Variants in MUC5B observed in about 807,000 individuals in gnomAD.
MUC5B encodes the protein mucin-5B.
Under a neutral mutation model 376.9 loss-of-function variants are expected in MUC5B, and 116 were observed. The observed-to-expected ratio is 0.31, with a 90% CI of 0.26 to 0.36. MUC5B has a LOEUF of 0.36. Ranked by LOEUF, MUC5B falls within the 10% of genes least tolerant of loss-of-function variation. MUC5B has a pLI of 1.00. For synonymous variants in MUC5B, 3,517 were observed against 3,390.9 expected, an observed-to-expected ratio of 1.04 and a Z score of -1.29; for missense variants, 7,165 against 7,769.9, an observed-to-expected ratio of 0.92 and a Z score of 2.93.
intron 2 of MUC5B, 49 bp downstream of exon 2, chr11:1,225,786 G>T (rs1236092639): frequency 1.3e-6 from 2 of 1,555,138 alleles, no homozygotes. Context: ...GGCTGGAGGG[G>T]CTGGAATTTG....
In MUC5B at chr11:1,246,103, G is replaced by T; in HGVS notation, c.9223G>T (p.Gly3075Trp). 3 of 1,612,656 alleles carry T rather than the reference G, an allele frequency of 1.9e-6. No individual in the cohort carries two copies. Among genetic ancestry groups the T allele is most frequent in the Non-Finnish European group, 2.5e-6 (3 of 1,179,494 alleles). The change falls in exon 31 of 49, where the codon GGG becomes TGG. Residue 3075 changes from glycine (G) to tryptophan (W), a missense_variant. Gly to Trp is a radical substitution (Grantham distance 184, BLOSUM62 -2). Around this residue, in one of 31 missense-constraint regions of MUC5B, gnomAD observed 939 missense variants for 770.6 expected, o/e 1.22. Transcript: ENST00000529681. ...TACACCCATCCCCTCCTTCACCCTT[G>T]GGACCACCGGGACCCTCCCAGAACA... ...SFTPIPSFTL[G>W]TTGTLPEQTT...
chr11:1,231,024 A>T lies in MUC5B; in HGVS notation c.1540+19A>T. On this transcript the variant is annotated intron_variant, in intron 13 of 48. Coordinates refer to ENST00000529681, the MANE Select transcript of MUC5B (RefSeq NM_002458.3). ...TCGGCAGGTATGTGGCTCTCCCAGG[A>T]CGGCCGGGCTGGGTGGCGCCTGCTT... is the stretch of plus-strand genomic sequence containing the variant. 1 of 1,573,686 alleles carries T rather than the reference A, an allele frequency of 6.4e-7. No individual in the cohort carries two copies. The highest frequency in any genetic ancestry group is 8.6e-7 in the Non-Finnish European group (1 of 1,159,898).
In MUC5B at chr11:1,228,774, T is replaced by C; in HGVS notation, c.976+9T>C. 1 of 1,274,036 alleles carries C rather than the reference T, an allele frequency of 7.8e-7. No individual in the cohort carries two copies. Among genetic ancestry groups the C allele is most frequent in the Non-Finnish European group, 1.0e-6 (1 of 985,000 alleles). 78.9% of individuals were successfully genotyped at this position (1,274,036 alleles called of 1,614,324 possible). On this transcript the variant is annotated intron_variant, in intron 8 of 48. Coordinates refer to ENST00000529681, the MANE Select transcript of MUC5B (RefSeq NM_002458.3). Reference sequence around the variant, plus strand: ...GTGCCCTGAGCTCTGCCGTGAGTGCTCCCAGGGCCTTCGCCAGGGATTGTG... The same window carrying C: ...GTGCCCTGAGCTCTGCCGTGAGTGCCCCCAGGGCCTTCGCCAGGGATTGTG...
Position 1,253,549 on chromosome 11 carries a change from C to G in MUC5B, c.15218-543C>G, listed in dbSNP as rs2133847894. On this transcript the variant is annotated intron_variant, in intron 33 of 48. Transcript: ENST00000529681. This position sits in a 1 kb window ranked among gnomAD's most constrained non-coding sequence, Gnocchi z 4.3. ...GGCTGCTGTTCCAAACCGCCACAAG[C>G]TGGGGAGCTTATACAACAGAAACCC... 6.6e-6 allele frequency among the ~76,000 whole-genome samples: 1 copy of G among 152,310 alleles called. No individual in the cohort carries two copies. The highest frequency in any genetic ancestry group is 1.9e-4 in the East Asian group (1 of 5,168).
Position 1,228,717 on chromosome 11 carries a change from G to T in MUC5B, c.928G>T (p.Ala310Ser). The T allele has an allele frequency of 6.5e-7, 1 of 1,527,576 alleles. No individual in the cohort carries two copies. Among genetic ancestry groups the T allele is most frequent in the Non-Finnish European group, 8.8e-7 (1 of 1,140,768 alleles). The allele number at this position is 1,527,576 out of a possible 1,614,324, so 94.6% of individuals were successfully genotyped here. ...CTTTGTGGAATACTCACGCCAGTGC[G>T]CCCACGCGGGGGGCCAGCCGCGGAA... ...ATFVEYSRQC[A>S]HAGGQPRNWR... The change falls in exon 8 of 49, where the codon GCC (alanine) becomes TCC (serine). Residue 310 changes from alanine (A) to serine (S), a missense_variant. Physicochemically the swap from Ala to Ser is moderately conservative, Grantham distance 99 (BLOSUM62 1). Coordinates refer to ENST00000529681, the MANE Select transcript of MUC5B (RefSeq NM_002458.3).
rs1442775694 is a variant in MUC5B at position 1,232,137 on chromosome 11, C to T, written c.1820C>T (p.Pro607Leu). Residue 607 changes from proline to leucine, a missense_variant, in exon 15 of 49, where the codon CCC (proline) becomes CTC (leucine). Physicochemically the swap from Pro to Leu is moderately conservative, Grantham distance 98. Transcript: ENST00000529681. ...CANARNSFED[P>L]CSLSVENENY... ...AATGCCAGGAACAGCTTTGAGGACC[C>T]CTGCTCCCTCAGTGTGGAGAATGGT... 3.1e-6 allele frequency: 5 copies of T among 1,610,042 alleles called. No homozygotes were observed. Among genetic ancestry groups the T allele is most frequent in the South Asian group, 1.1e-5 (1 of 90,638 alleles).
At chr11:1,228,517 C>T in intron 7 of MUC5B, 47 bp from the exon 8 acceptor site, 2 of 1,459,718 alleles carry the variant, frequency 1.4e-6, no homozygotes, top group Non-Finnish European at 1.8e-6. Context: ...CCGTGGCAGC[C>T]CCCATGGATG....
rs1388243860 is a variant in MUC5B, at chr11:1,248,736, T to C, written c.11856T>C (p.Thr3952=). ...CCCCATCACTGATCACCACGGCCAC[T>C]ACGATCACGGCCACCGGCTCCACCA... is the stretch of plus-strand genomic sequence containing the variant. ...GTPPSLITTA[T]TITATGSTTN... is the part of the protein sequence containing the mutation. Residue 3952 remains threonine (T), a synonymous_variant, in exon 31 of 49, where the codon ACT becomes ACC. Coordinates refer to ENST00000529681, the MANE Select transcript of MUC5B (RefSeq NM_002458.3). 1 of 1,554,810 alleles carries C rather than the reference T, an allele frequency of 6.4e-7. No individual in the cohort carries two copies. The highest frequency in any genetic ancestry group is 1.4e-5 in the African/African-American group (1 of 70,760).
chr11:1,242,448 C>G lies in MUC5B; in HGVS notation c.5568C>G (p.Thr1856=), dbSNP rs754283300. ...VLTCSLETGL[T]CKNEDQTGRF... ...CCTGCAGCCTGGAGACGGGGCTGAC[C>G]TGCAAGAACGAAGACCAGACAGGCA... Residue 1856 remains threonine (T), a synonymous_variant, in exon 31 of 49, where the codon ACC becomes ACG. Coordinates refer to ENST00000529681, the MANE Select transcript of MUC5B (RefSeq NM_002458.3). The G allele has an allele frequency of 3.1e-6, 5 of 1,613,832 alleles. No homozygotes were observed. The South Asian group carries it at 4.4e-5, about 14-fold the overall frequency.
intron 25 of MUC5B, 41 bp from the exon 26 acceptor site, chr11:1,238,830 G>C (rs1200912495): frequency 2.6e-6 from 4 of 1,534,342 alleles, no homozygotes; most frequent in Non-Finnish European, 3.5e-6. Context: ...GGCCGGGGGG[G>C]CCATTGTCCC....
chr11:1,250,015 A>G lies in MUC5B; in HGVS notation c.13135A>G (p.Thr4379Ala). Residue 4379 changes from threonine to alanine, a missense_variant, in exon 31 of 49, where the codon ACG (threonine) becomes GCG (alanine). Thr to Ala is a moderately conservative substitution (Grantham distance 58, BLOSUM62 0). Coordinates refer to ENST00000529681, the MANE Select transcript of MUC5B (RefSeq NM_002458.3). ...CACCACGACAAGGGCCACCAGTTCC[A>G]CGTCCACCCCCTCCTCCACTCCGGG... ...KATTTRATSS[T>A]STPSSTPGTT... 1 of 1,611,876 alleles carries G rather than the reference A, an allele frequency of 6.2e-7. No homozygotes were observed. The highest frequency in any genetic ancestry group is 2.2e-5 in the East Asian group (1 of 44,728).
Position 1,258,862 on chromosome 11 carries a change from G to A in MUC5B, c.16594-80G>A. On this transcript the variant is annotated intron_variant, in intron 43 of 48. Transcript: ENST00000529681. The surrounding 1 kb of genome is among the most constrained non-coding windows in gnomAD (Gnocchi z 5.5). Reference sequence around the variant, plus strand: ...TCTGAGGAAGGAACAACTCCCTGCAGGCCCCATTGGGTCATGGGGAGGGGT... The same window carrying A: ...TCTGAGGAAGGAACAACTCCCTGCAAGCCCCATTGGGTCATGGGGAGGGGT... 6.6e-7 allele frequency: 1 copy of A among 1,513,492 alleles called. No individual in the cohort carries two copies. Among genetic ancestry groups the A allele is most frequent in the Non-Finnish European group, 8.9e-7 (1 of 1,121,780 alleles). 93.8% of individuals were successfully genotyped at this position (1,513,492 alleles called of 1,614,324 possible).
In MUC5B at chr11:1,247,068, G is replaced by C; in HGVS notation, c.10188G>C (p.Thr3396=). ...CATCACTGACCACCACGGCCACTAC[G>C]ATCACAGCCACCGGCTCCACCACCA... is the stretch of plus-strand genomic sequence containing the variant. ...TPPSLTTTAT[T]ITATGSTTNP... The change falls in exon 31 of 49, where the codon ACG becomes ACC. Residue 3396 remains threonine, a synonymous_variant. Coordinates refer to ENST00000529681, the MANE Select transcript of MUC5B (RefSeq NM_002458.3). 2 of 1,560,454 alleles carry C rather than the reference G, an allele frequency of 1.3e-6. No homozygotes were observed. Among genetic ancestry groups the C allele is most frequent in the Non-Finnish European group, 1.7e-6 (2 of 1,152,738 alleles).
Position 1,241,681 on chromosome 11 carries a change from G to A in MUC5B, c.4801G>A (p.Asp1601Asn), listed in dbSNP as rs781641226. The change falls in exon 31 of 49, where the codon GAC becomes AAC. Residue 1601 changes from aspartate (D) to asparagine (N), a missense_variant. By Grantham distance (23) the Asp-to-Asn change is conservative. Coordinates refer to ENST00000529681, the MANE Select transcript of MUC5B (RefSeq NM_002458.3). ...GATCCGGGTCCTCTGCTGCAGTGACGACCACTGCAGGGGACGTGCCACAAC... is the reference window on the plus strand; with the variant it reads ...GATCCGGGTCCTCTGCTGCAGTGACAACCACTGCAGGGGACGTGCCACAAC... ...YRIRVLCCSD[D>N]HCRGRATTPP... 1.7e-5 allele frequency: 27 copies of A among 1,611,996 alleles called. No individual in the cohort carries two copies. In the Middle Eastern group the frequency reaches 1.3e-3, roughly 79 times the overall value.
chr11:1,226,682 C>T lies in MUC5B; in HGVS notation c.267C>T (p.Asp89=), dbSNP rs781216759. 10 of 1,612,458 alleles carry T rather than the reference C, an allele frequency of 6.2e-6. No individual in the cohort carries two copies. Among genetic ancestry groups the T allele is most frequent in the South Asian group, 4.4e-5 (4 of 91,036 alleles). Reference sequence around the variant, plus strand: ...GTGACTTCCACTACAAGACCTTCGACGGCGACGTCTTCCGCTTCCCTGGCC... The same window carrying T: ...GTGACTTCCACTACAAGACCTTCGATGGCGACGTCTTCCGCTTCCCTGGCC... ...TWGDFHYKTF[D]GDVFRFPGLC... Residue 89 remains aspartate, a synonymous_variant, in exon 4 of 49, where the codon GAC becomes GAT. Transcript: ENST00000529681.
At chr11:1,229,071 A>G (rs1861961761) in intron 8 of MUC5B, 99 bp from the exon 9 acceptor site, 2 of 1,360,218 alleles carry the variant, frequency 1.5e-6, no homozygotes, top group Non-Finnish European at 9.7e-7. Flanking sequence ...GCTTCTGTGG[A>G]CTTGATGGCA....
chr11:1,261,327 T>C lies in MUC5B; in HGVS notation c.17070-62T>C, dbSNP rs538464010. On this transcript the variant is annotated intron_variant, in intron 48 of 48. Coordinates refer to ENST00000529681, the MANE Select transcript of MUC5B (RefSeq NM_002458.3). ...GACCCCAGAGGCCCATGTGTCACCA[T>C]GGCTGGGCAGAGAAACGGCGGGGCC... 60 of 1,445,936 alleles carry C rather than the reference T, an allele frequency of 4.1e-5. No individual in the cohort carries two copies. The South Asian group carries it at 5.4e-4, about 13-fold the overall frequency. 89.6% of individuals were successfully genotyped at this position (1,445,936 alleles called of 1,614,324 possible).
In MUC5B at chr11:1,250,556, T is replaced by G. The variant is rs397834801; in HGVS notation, c.13676T>G (p.Val4559Gly). 3.7e-6 allele frequency: 6 copies of G among 1,603,980 alleles called. No homozygotes were observed. ...ACACCCTCCTCCACTCCAGAGACTG[T>G]CCACACCTCCACAGTGCTTACCGCC... ...TATPSSTPET[V>G]HTSTVLTATA... is the part of the protein sequence containing the mutation. Residue 4559 changes from valine (V) to glycine (G), a missense_variant, in exon 31 of 49, where the codon GTC (valine) becomes GGC (glycine). By Grantham distance (109) the Val-to-Gly change is moderately radical. Coordinates refer to ENST00000529681, the MANE Select transcript of MUC5B (RefSeq NM_002458.3).
rs1169621233 is a variant in MUC5B, at chr11:1,225,467, T to A, written c.71-214T>A. Reference sequence around the variant, plus strand: ...ATAGCATTGAGCAGGAGCGGAGGCATCTGCGGCTGACGGTTGGGGTGGCCT... The same window carrying A: ...ATAGCATTGAGCAGGAGCGGAGGCAACTGCGGCTGACGGTTGGGGTGGCCT... On this transcript the variant is annotated intron_variant, in intron 1 of 48. Transcript: ENST00000529681. 3.3e-5 allele frequency among the ~76,000 whole-genome samples: 5 copies of A among 152,308 alleles called. No individual in the cohort carries two copies. The East Asian group carries it at 7.7e-4, about 24-fold the overall frequency.
Sources: allele counts gnomAD v4.1 joint callset (sites outside exome capture counted in the v4.1 genomes callset), GRCh38; gene constraint gnomAD v4.1.1; regional missense constraint gnomAD v4.1.1; non-coding constraint Gnocchi (gnomAD v3.1); transcripts MANE v1.5; gene names NCBI Gene and HGNC (gene_info 2026-07-23, HGNC 2026-07-21).